The following DRD3 variants were observed in gnomAD, a reference collection of about 807,000 sequenced individuals.
DRD3 encodes D(3) dopamine receptor.
In DRD3, 19 loss-of-function variants were observed where a neutral mutation model predicts 36.3. That is an observed-to-expected ratio of 0.52 (90% confidence interval 0.36 to 0.77). The LOEUF (loss-of-function observed/expected upper bound fraction) is 0.77, where lower values mean the gene tolerates loss of function less well. Among genes scored for constraint, DRD3 ranks in the 30% least tolerant of loss-of-function variants. The pLI is 0.00. For missense variants in DRD3, 465 were observed against 505.3 expected, an observed-to-expected ratio of 0.92 and a Z score of 0.77; for synonymous variants, 195 against 203.7, an observed-to-expected ratio of 0.96 and a Z score of 0.36.
chr3:114,131,395 G>A lies in DRD3; in HGVS notation c.729C>T (p.Leu243=). The part of the protein sequence containing the change: ...SVRPGFPQQT[L]SPDPAHLELK... ...GCTCCAGATGTGCCGGGTCAGGAGA[G>A]AGGGTCTGCAGGTGTGACAAGAGGG... The change falls in exon 6 of 7, where the codon CTC becomes CTT. Residue 243 remains leucine, a synonymous_variant. Transcript: ENST00000383673. 1.2e-6 allele frequency: 2 copies of A among 1,612,740 alleles called. No homozygotes were observed. The highest frequency in any genetic ancestry group is 2.2e-5 in the East Asian group (1 of 44,854).
At chr3:114,190,161 A>G (rs1385956877) in intron 1 of DRD3, among the ~76,000 whole-genome samples, 1 of 151,922 alleles carries the variant, frequency 6.6e-6, no homozygotes, top group Non-Finnish European at 1.5e-5. Context: ...GGAGCAACTA[A>G]TATATGAGTT....
At chr3:114,158,591 C>A (rs2077703916) in intron 3 of DRD3, among the ~76,000 whole-genome samples, 1 of 152,184 alleles carries the variant, frequency 6.6e-6, no homozygotes, top group African/African-American at 2.4e-5. Flanking sequence ...ATTACAGAGT[C>A]TTGAACAAAG....
intron 5 of DRD3, among the ~76,000 whole-genome samples, chr3:114,137,858 C>G (rs13068807): frequency 6.7e-6 from 1 of 148,950 alleles, no homozygotes; most frequent in Non-Finnish European, 1.5e-5. Flanking sequence ...ATTAGCCGGG[C>G]GTGATGGTGG....
intron 2 of DRD3, among the ~76,000 whole-genome samples, chr3:114,161,080 G>C (rs375494131): frequency 6.6e-6 from 1 of 152,126 alleles, no homozygotes; most frequent in Non-Finnish European, 1.5e-5. Flanking sequence ...CTCATGGACC[G>C]CGAGGCTTTG....
intron 2 of DRD3, among the ~76,000 whole-genome samples, chr3:114,170,559 T>C (rs1240317953): frequency 2.0e-5 from 3 of 152,190 alleles, no homozygotes; most frequent in Non-Finnish European, 2.9e-5. Flanking sequence ...CTACACAGCC[T>C]AGTTGTTTTT....
intron 3 of DRD3, among the ~76,000 whole-genome samples, chr3:114,151,293 C>T (rs993542042): frequency 1.9e-4 from 29 of 152,206 alleles, no homozygotes; most frequent in African/African-American, 5.1e-4. Context: ...GACTGAACAG[C>T]GAGGGGAAGG....
chr3:114,172,083 C>T (rs1415381190), intron 1 of DRD3, 56 bp from the exon 2 acceptor site: 1 of 1,283,148 alleles, frequency 7.8e-7, no homozygotes, highest in East Asian at 3.0e-5. Context: ...GGCTTGGTTG[C>T]TTAGTTACAT....
intron 1 of DRD3, among the ~76,000 whole-genome samples, chr3:114,175,240 C>G (rs1040057238): frequency 6.6e-6 from 1 of 152,142 alleles, no homozygotes; most frequent in Non-Finnish European, 1.5e-5. Context: ...AGCATAATGT[C>G]TGGCACATAG....
chr3:114,191,805 A>T (rs2078012167), intron 1 of DRD3, among the ~76,000 whole-genome samples: 1 of 152,216 alleles, frequency 6.6e-6, no homozygotes, highest in African/African-American at 2.4e-5. Flanking sequence ...TAGTGATTGA[A>T]TTGGATCCAG....
chr3:114,176,801 G>A (rs939047536), intron 1 of DRD3, among the ~76,000 whole-genome samples: 12 of 152,174 alleles, frequency 7.9e-5, no homozygotes, highest in African/African-American at 2.9e-4. Context: ...GGTCTGGGCT[G>A]TAATTCGGAC....
At chr3:114,133,191 G>C (rs1424746012) in intron 5 of DRD3, among the ~76,000 whole-genome samples, 4 of 152,132 alleles carry the variant, frequency 2.6e-5, no homozygotes, top group Non-Finnish European at 4.4e-5. Context: ...GTTTCTCCAT[G>C]TTGGTCAGGC....
intron 2 of DRD3, among the ~76,000 whole-genome samples, chr3:114,170,772 T>C (rs1328872304): frequency 5.9e-5 from 9 of 152,202 alleles, no homozygotes; most frequent in Non-Finnish European, 1.3e-4. Flanking sequence ...AGATATTAAT[T>C]TGATGAATCT....
chr3:114,147,343 C>A, intron 4 of DRD3, 72 bp downstream of exon 4: 5 of 1,561,072 alleles, frequency 3.2e-6, no homozygotes, highest in Non-Finnish European at 4.4e-6. Context: ...CAGGGCTGAG[C>A]ACAACTCACA....
chr3:114,145,539 A>T (rs549164659), intron 4 of DRD3, among the ~76,000 whole-genome samples: 6 of 152,344 alleles, frequency 3.9e-5, no homozygotes, highest in African/African-American at 1.4e-4. Flanking sequence ...TGGCAGAGAA[A>T]CAAGCCAGCC....
intron 1 of DRD3, among the ~76,000 whole-genome samples, chr3:114,178,434 A>AT (rs1307634940): frequency 6.6e-6 from 1 of 152,106 alleles, no homozygotes; most frequent in African/African-American, 2.4e-5. Flanking sequence ...CAAGGATACA[A>AT]TTTTGGGGGA....
At chr3:114,159,302 T>G (rs934297691) in intron 3 of DRD3, among the ~76,000 whole-genome samples, 1 of 151,290 alleles carries the variant, frequency 6.6e-6, no homozygotes, top group Non-Finnish European at 1.5e-5. Context: ...CCCTCAAAAA[T>G]TATCCCTACA....
chr3:114,153,791 C>T (rs974164390), intron 3 of DRD3, among the ~76,000 whole-genome samples: 15 of 150,364 alleles, frequency 1.0e-4, no homozygotes, highest in African/African-American at 3.4e-4. Context: ...GTGATCTCGG[C>T]AAGCTCACCT....
intron 4 of DRD3, among the ~76,000 whole-genome samples, chr3:114,146,698 CAAAAAA>C (rs72463214): frequency 1.7e-5 from 1 of 58,148 alleles, no homozygotes; most frequent in Non-Finnish European, 3.7e-5. Context: ...GACTTGGTCT[CAAAAAA>C]AAAAAAAAAA....
chr3:114,177,311 A>T (rs1577625480), intron 1 of DRD3, among the ~76,000 whole-genome samples: 1 of 152,198 alleles, frequency 6.6e-6, no homozygotes, highest in Admixed American at 6.5e-5. Flanking sequence ...GGATTGCAAT[A>T]CATAGCATAT....
Sources: allele counts gnomAD v4.1 joint callset (sites outside exome capture counted in the v4.1 genomes callset), GRCh38; gene constraint gnomAD v4.1.1; transcripts MANE v1.5; gene names NCBI Gene and HGNC (gene_info 2026-07-23, HGNC 2026-07-21).